Variants in BORCS5 observed in about 807,000 individuals in gnomAD.
BORCS5 encodes BLOC-1-related complex subunit 5.
In BORCS5, 17 loss-of-function variants were observed where a neutral mutation model predicts 22.1. The observed-to-expected ratio is 0.77, with a 90% CI of 0.53 to 1.15. The LOEUF (loss-of-function observed/expected upper bound fraction) is 1.15, where lower values mean the gene tolerates loss of function less well. Among genes scored for constraint, BORCS5 ranks in the 50% most tolerant of loss-of-function variants. The probability of loss-of-function intolerance (pLI) is 0.00; values close to 1 mark genes in which losing one functional copy is unlikely to be tolerated. For synonymous variants in BORCS5, 117 were observed against 99.8 expected (o/e 1.17, Z -1.03); for missense variants, 247 against 253.2 (o/e 0.98, Z 0.17).
Position 12,470,676 on chromosome 12 carries a change from G to GTTTT in BORCS5, c.*4909_*4912dup, listed in dbSNP as rs10647835. ...ATAAATAACATTGAATTTCATGTGG[G>GTTTT]TTTTTTTTTTTTGACACACCAGGCA... On this transcript the variant is annotated 3_prime_UTR_variant, in exon 4 of 4. Transcript: ENST00000314565. 2.0e-5 allele frequency among the ~76,000 whole-genome samples: 3 copies of GTTTT among 146,438 alleles called. No individual in the cohort carries two copies. The highest frequency in any genetic ancestry group is 3.0e-5 in the Non-Finnish European group (2 of 66,900).
intron 2 of BORCS5, among the ~76,000 whole-genome samples, chr12:12,402,032 C>G (rs1941491996): frequency 6.8e-6 from 1 of 146,876 alleles, no homozygotes; most frequent in Non-Finnish European, 1.5e-5. Context: ...CGCCACTGCA[C>G]TTCAGCCTGG....
chr12:12,430,006 A>G (rs1327746057), intron 2 of BORCS5, among the ~76,000 whole-genome samples: 1 of 152,140 alleles, frequency 6.6e-6, no homozygotes, highest in Non-Finnish European at 1.5e-5. Flanking sequence ...AATTCCAGCA[A>G]TAGAACTGCA....
intron 2 of BORCS5, among the ~76,000 whole-genome samples, chr12:12,385,345 C>T (rs1863857409): frequency 6.6e-6 from 1 of 151,358 alleles, no homozygotes; most frequent in Non-Finnish European, 1.5e-5. Context: ...GATGTGGATG[C>T]TACCTATTGT....
chr12:12,366,363 T>C (rs1565829198), intron 2 of BORCS5, among the ~76,000 whole-genome samples: 1 of 152,210 alleles, frequency 6.6e-6, no homozygotes, highest in African/African-American at 2.4e-5. Context: ...ACTGAGGTAA[T>C]GTTTGCATTT....
intron 2 of BORCS5, among the ~76,000 whole-genome samples, chr12:12,374,177 G>T (rs924680919): frequency 6.6e-5 from 10 of 151,266 alleles, no homozygotes; most frequent in African/African-American, 2.4e-4. Context: ...ATTTTTAGTA[G>T]AGATGGGGTT....
rs199876354 is a variant in BORCS5 at position 12,412,308 on chromosome 12, GT to G, written c.203-23312del. ...TAATTCCTTTCAGCTGTATTTTATG[GT>G]TTTTTTTATTGTACAAGTCTTTCAT... On this transcript the variant is annotated intron_variant, in intron 2 of 3. Coordinates refer to ENST00000314565, the MANE Select transcript of BORCS5 (RefSeq NM_058169.6). Among the ~76,000 whole-genome samples the G allele has an allele frequency of 2.5e-3, 387 of 151,838 alleles. 2 individuals are homozygous for G. Among genetic ancestry groups the G allele is most frequent in the African/African-American group, 8.4e-3 (349 of 41,436 alleles).
At chr12:12,380,102 G>C (rs1420827365) in intron 2 of BORCS5, among the ~76,000 whole-genome samples, 1 of 151,316 alleles carries the variant, frequency 6.6e-6, no homozygotes, top group Non-Finnish European at 1.5e-5. Flanking sequence ...ACACTTCTCA[G>C]TTTAAGTTTC....
intron 2 of BORCS5, among the ~76,000 whole-genome samples, chr12:12,361,606 A>G (rs770706414): frequency 2.0e-5 from 3 of 152,228 alleles, no homozygotes; most frequent in Non-Finnish European, 4.4e-5. Context: ...CTCTGCTAGA[A>G]TGTGAGCTCC....
chr12:12,394,490 T>G (rs1941282364), intron 2 of BORCS5, among the ~76,000 whole-genome samples: 1 of 151,948 alleles, frequency 6.6e-6, no homozygotes, highest in Non-Finnish European at 1.5e-5. Flanking sequence ...GAGTTGGAAT[T>G]ATTAAATAAG....
chr12:12,450,497 C>T (rs548304616), intron 3 of BORCS5, among the ~76,000 whole-genome samples: 3 of 152,278 alleles, frequency 2.0e-5, no homozygotes, highest in African/African-American at 7.2e-5. Context: ...CATGTTTTGT[C>T]TGGTAATTTA....
chr12:12,390,029 C>T (rs960886672), intron 2 of BORCS5, among the ~76,000 whole-genome samples: 10 of 152,094 alleles, frequency 6.6e-5, no homozygotes, highest in African/African-American at 2.4e-4. Flanking sequence ...TGCTTTCCCA[C>T]CTCTAAACTT....
intron 3 of BORCS5, 64 bp from the exon 4 acceptor site, chr12:12,465,482 A>T: frequency 2.8e-6 from 4 of 1,414,422 alleles, no homozygotes; most frequent in Middle Eastern, 1.8e-4. Context: ...CAGGCTGGAC[A>T]CCCGGCCCTG....
chr12:12,403,416 G>A (rs1292843300), intron 2 of BORCS5, among the ~76,000 whole-genome samples: 2 of 152,110 alleles, frequency 1.3e-5, no homozygotes, highest in African/African-American at 4.8e-5. Flanking sequence ...GCTCTTCCCC[G>A]TGGCTTGGGC....
intron 3 of BORCS5, among the ~76,000 whole-genome samples, chr12:12,440,156 T>C (rs1942652206): frequency 6.6e-6 from 1 of 152,246 alleles, no homozygotes; most frequent in Non-Finnish European, 1.5e-5. Context: ...GCTATAACTA[T>C]TTCTGATTCA....
chr12:12,365,239 G>T (rs990120924), intron 2 of BORCS5, among the ~76,000 whole-genome samples: 1 of 152,080 alleles, frequency 6.6e-6, no homozygotes, highest in Admixed American at 6.6e-5. Flanking sequence ...ATGAGATCAT[G>T]GCTCACTCCA....
At chr12:12,442,892 C>T (rs747000030) in intron 3 of BORCS5, among the ~76,000 whole-genome samples, 92 of 152,160 alleles carry the variant, frequency 6.0e-4, no homozygotes, top group African/African-American at 1.3e-3. Context: ...TTTCTGTCAT[C>T]GGTACCGTAA....
In BORCS5 at chr12:12,357,411, G is replaced by T; in HGVS notation, c.-41G>T. The T allele has an allele frequency of 6.3e-7, 1 of 1,592,200 alleles. No homozygotes were observed. The highest frequency in any genetic ancestry group is 8.6e-7 in the Non-Finnish European group (1 of 1,165,542). ...GTCGCCCGCCGCCGGAGCGGTGACC[G>T]CCCGGCCCGCCGTTCTTCTGCTGCC... is the stretch of plus-strand genomic sequence containing the variant. On this transcript the variant is annotated 5_prime_UTR_variant, in exon 1 of 4. Transcript: ENST00000314565.
In BORCS5 at chr12:12,357,154, G is replaced by T; in HGVS notation, c.-298G>T. On this transcript the variant is annotated 5_prime_UTR_variant, in exon 1 of 4. Coordinates refer to ENST00000314565, the MANE Select transcript of BORCS5 (RefSeq NM_058169.6). ...GCGGCGCCGCCCGCCGGCCGCAGGT[G>T]CGGCAAAGCCAGTGTCATCTGCCGG... is the stretch of plus-strand genomic sequence containing the variant. 6.5e-7 allele frequency: 1 copy of T among 1,533,052 alleles called. No homozygotes were observed. The highest frequency in any genetic ancestry group is 1.2e-5 in the South Asian group (1 of 83,880). The allele number at this position is 1,533,052 out of a possible 1,614,324, so 95.0% of individuals were successfully genotyped here.
intron 3 of BORCS5, among the ~76,000 whole-genome samples, chr12:12,459,403 C>T (rs1943061140): frequency 6.7e-6 from 1 of 149,750 alleles, no homozygotes; most frequent in South Asian, 2.1e-4. Flanking sequence ...CTCTACCTTC[C>T]AGGTTCAAGT....
Sources: gnomAD v4.1 joint callset for allele counts (sites outside exome capture counted in the v4.1 genomes callset) on GRCh38, gnomAD v4.1.1 for gene constraint, MANE v1.5 for transcripts, NCBI Gene and HGNC (gene_info 2026-07-23, HGNC 2026-07-21) for gene names.